Variants in MSL3 observed in about 807,000 individuals in gnomAD.
MSL3 encodes MSL3-like 1.
Under a neutral mutation model 37.2 loss-of-function variants are expected in MSL3, and 5 were observed. The observed-to-expected ratio is 0.13, with a 90% CI of 0.07 to 0.28. The LOEUF is 0.28. Among genes scored for constraint, MSL3 ranks in the 10% least tolerant of loss-of-function variants. The pLI, the probability that MSL3 is intolerant of heterozygous loss-of-function variation, is 1.00. For missense variants in MSL3, 315 were observed against 408.5 expected (o/e 0.77, Z 1.97); for synonymous variants, 149 against 147.6 (o/e 1.01, Z -0.07).
intron 10 of MSL3, 40 bp from the exon 11 acceptor site, chrX:11,772,116 A>G (rs776457057): frequency 1.9e-5 from 19 of 1,011,601 alleles, no homozygotes; most frequent in Admixed American, 6.8e-5. Context: ...AAGTGTCTCC[A>G]TTAAGAATAA....
At chrX:11,761,039 A>G (rs896079193) in intron 4 of MSL3, 102 bp downstream of exon 4, 28 of 562,599 alleles carry the variant, frequency 5.0e-5, no homozygotes, top group Non-Finnish European at 7.2e-5. Context: ...CAAGCTCATT[A>G]TGTATAATAT....
chrX:11,759,643 A>C, intron 1 of MSL3, 150 bp from the exon 2 acceptor site: 1 of 1,102,242 alleles, frequency 9.1e-7, no homozygotes, highest in Non-Finnish European at 1.2e-6. Context: ...TGGGGGAAAA[A>C]AATGAAAGGA....
rs1051538 is a variant in MSL3 at position 11,775,028 on chromosome X, C to T, written c.1515C>T (p.Val505=). The T allele has an allele frequency of 2.5e-5, 30 of 1,207,696 alleles. No individual in the cohort carries two copies. The highest frequency in any genetic ancestry group is 3.2e-5 in the Non-Finnish European group (29 of 894,091). Residue 505 remains valine (V), a synonymous_variant, in exon 13 of 13, where the codon GTC becomes GTT. Transcript: ENST00000312196. ...ACTTCTTCCCAGAGTCGGCTTATGT[C>T]GCTGCCTGTGAGGCACATTACAGCA... ...HDDFFPESAY[V]AACEAHYSTK... is the part of the protein sequence containing the mutation.
intron 9 of MSL3, chrX:11,767,947 G>C: frequency 2.7e-6 from 2 of 752,225 alleles, no homozygotes; most frequent in Non-Finnish European, 3.1e-6. Context: ...TTAAAAAGGT[G>C]CTACAAAATA....
rs1881495533 is a variant in MSL3, at chrX:11,772,047, C to T, written c.1282-109C>T. On this transcript the variant is annotated intron_variant, in intron 10 of 12. Coordinates refer to ENST00000312196, the MANE Select transcript of MSL3 (RefSeq NM_078629.4). ...TTGTAAGCTTGTGTTTATTTTGATCCAATCACTTATTTTTTCCCCTCTACG... is the reference window on the plus strand; with the variant it reads ...TTGTAAGCTTGTGTTTATTTTGATCTAATCACTTATTTTTTCCCCTCTACG... 11 of 518,935 alleles carry T rather than the reference C, an allele frequency of 2.1e-5. No individual in the cohort carries two copies. In the South Asian group the frequency reaches 3.0e-4, roughly 14 times the overall value. 42.8% of individuals were successfully genotyped at this position (518,935 alleles called of 1,213,427 possible).
chrX:11,759,712 G>A (rs1365168037), intron 1 of MSL3, 81 bp from the exon 2 acceptor site: 4 of 1,187,766 alleles, frequency 3.4e-6, no homozygotes, highest in South Asian at 1.9e-5. Flanking sequence ...TTTAAAAAAG[G>A]GTCTGTGAAT....
chrX:11,760,810 T>A (rs2053125295), intron 3 of MSL3, 27 bp from the exon 4 acceptor site: 2 of 1,138,350 alleles, frequency 1.8e-6, no homozygotes, highest in Non-Finnish European at 2.4e-6. Flanking sequence ...TCAAAACTTA[T>A]TTCAGTTGTT....
chrX:11,766,225 C>T (rs2053181861), intron 9 of MSL3: 1 of 768,813 alleles, frequency 1.3e-6, no homozygotes, highest in African/African-American at 2.2e-5. Flanking sequence ...TCCATCAGAT[C>T]TTCTCACCTT....
At chrX:11,759,718 T>G (rs2053111580) in intron 1 of MSL3, 75 bp from the exon 2 acceptor site, 1 of 1,193,977 alleles carries the variant, frequency 8.4e-7, no homozygotes, top group African/African-American at 1.7e-5. Flanking sequence ...AAAGGGTCTG[T>G]GAATTAGTTT....
intron 8 of MSL3, 111 bp from the exon 9 acceptor site, chrX:11,765,356 G>T (rs993760830): frequency 1.1e-6 from 1 of 946,261 alleles, no homozygotes; most frequent in Non-Finnish European, 1.4e-6. Flanking sequence ...AGTGACTTCG[G>T]TACATATTTA....
rs1471323807 is a variant in MSL3, at chrX:11,759,840, A to G, written c.150A>G (p.Pro50=). The G allele has an allele frequency of 8.3e-7, 1 of 1,211,537 alleles. No homozygotes were observed. The highest frequency in any genetic ancestry group is 1.8e-5 in the South Asian group (1 of 57,018). ...VGKDEKGRKI[P]EYLIHFNGWN... is the part of the protein sequence containing the mutation. ...AAGACGAAAAAGGCAGAAAGATCCC[A>G]GAATATCTGATCCATTTTAATGGTT... Residue 50 remains proline (P), a synonymous_variant, in exon 2 of 13, where the codon CCA becomes CCG. Transcript: ENST00000312196.
chrX:11,775,041 G>A lies in MSL3; in HGVS notation c.1528G>A (p.Ala510Thr). The A allele has an allele frequency of 8.3e-7, 1 of 1,207,178 alleles. No homozygotes were observed. The highest frequency in any genetic ancestry group is 1.1e-6 in the Non-Finnish European group (1 of 891,877). Residue 510 changes from alanine to threonine, a missense_variant, in exon 13 of 13, where the codon GCA becomes ACA. Ala to Thr is a moderately conservative substitution (Grantham distance 58). Transcript: ENST00000312196. ...GTCGGCTTATGTCGCTGCCTGTGAG[G>A]CACATTACAGCACCAAGAACCCCCG... ...PESAYVAACEAHYSTKNPRAI... is the reference protein window; with the variant it reads ...PESAYVAACETHYSTKNPRAI...
chrX:11,769,629 A>G (rs1382434144), intron 10 of MSL3, among the ~76,000 whole-genome samples: 2 of 111,066 alleles, frequency 1.8e-5, no homozygotes, highest in East Asian at 5.7e-4. Context: ...ACAGGGTCTC[A>G]CTCTCATGCT....
At chrX:11,759,521 C>A in intron 1 of MSL3, 1 of 836,867 alleles carries the variant, frequency 1.2e-6, no homozygotes, top group Admixed American at 4.5e-5. Flanking sequence ...TGGAGTCTCT[C>A]CTTAGTGACA....
chrX:11,766,248 G>T (rs927807745), intron 9 of MSL3: 1 of 763,106 alleles, frequency 1.3e-6, no homozygotes, highest in Non-Finnish European at 1.5e-6. Context: ...TTTTGAGCTG[G>T]AATGTTTCAA....
intron 5 of MSL3, 147 bp from the exon 6 acceptor site, chrX:11,761,983 C>T: frequency 2.3e-6 from 1 of 441,856 alleles, no homozygotes; most frequent in Non-Finnish European, 3.8e-6. Flanking sequence ...AACAAGTTAA[C>T]TTTTGGCCTT....
chrX:11,765,829 C>T lies in MSL3; in HGVS notation c.1171+100C>T, dbSNP rs866058468. The T allele has an allele frequency of 1.2e-5, 14 of 1,148,181 alleles. No homozygotes were observed. The Middle Eastern group carries it at 2.2e-3, about 183-fold the overall frequency. The allele number at this position is 1,148,181 out of a possible 1,213,427, so 94.6% of individuals were successfully genotyped here. A position where few individuals can be genotyped will look rare whatever the true frequency, so the allele number is the denominator to read the frequency against. On this transcript the variant is annotated intron_variant, in intron 9 of 12. Coordinates refer to ENST00000312196, the MANE Select transcript of MSL3 (RefSeq NM_078629.4). Reference sequence around the variant, plus strand: ...TGCTGAGGTTACATGTGTGTGTGTACAGTGCGTGTGATTCCCATGTCCAAA... The same window carrying T: ...TGCTGAGGTTACATGTGTGTGTGTATAGTGCGTGTGATTCCCATGTCCAAA...
At chrX:11,762,337 G>A (rs946323112) in intron 6 of MSL3, 85 bp downstream of exon 6, 6 of 824,224 alleles carry the variant, frequency 7.3e-6, no homozygotes, top group African/African-American at 4.3e-5. Flanking sequence ...AAGCAATAGC[G>A]AATCTTGGTG....
chrX:11,766,407 G>C (rs2053183812), intron 9 of MSL3: 2 of 753,143 alleles, frequency 2.7e-6, no homozygotes, highest in African/African-American at 4.6e-5. Context: ...CCATGAATCA[G>C]GTACAATTAC....
Sources: allele counts gnomAD v4.1 joint callset (sites outside exome capture counted in the v4.1 genomes callset), GRCh38; gene constraint gnomAD v4.1.1; transcripts MANE v1.5; gene names NCBI Gene and HGNC (gene_info 2026-07-23, HGNC 2026-07-21).